The following CASP10 variants were observed in gnomAD, a reference collection of about 807,000 sequenced individuals.
CASP10 encodes caspase-10.
CASP10 carries 41 observed loss-of-function variants against 48.5 expected under a neutral mutation model. That is an observed-to-expected ratio of 0.85 (90% CI 0.66 to 1.10). CASP10 has a LOEUF of 1.10. Ranked by LOEUF, CASP10 falls within the 50% of genes least tolerant of loss-of-function variation. CASP10 has a pLI of 0.00. For synonymous variants in CASP10, 232 were observed against 238.4 expected (o/e 0.97, Z 0.25); for missense variants, 614 against 614.5 (o/e 1.00, Z 0.01).
intron 9 of CASP10, among the ~76,000 whole-genome samples, chr2:201,228,478 G>C (rs990159361): frequency 6.6e-6 from 1 of 152,240 alleles, no homozygotes; most frequent in African/African-American, 2.4e-5. Flanking sequence ...CAGTGAGCCA[G>C]TTTTGGCCTG....
At chr2:201,224,927 A>C (rs2126068181), downstream of CASP10, among the ~76,000 whole-genome samples, 1 of 152,274 alleles carries the variant, frequency 6.6e-6, no homozygotes, top group East Asian at 1.9e-4. Context: ...GTATTTTCCC[A>C]TTATTCACTC....
At position 201,186,091 on chromosome 2, in the gene CASP10, T is replaced by G; in HGVS notation, c.314T>G (p.Leu105Arg). The change falls in exon 2 of 10, where the codon CTG (leucine) becomes CGG (arginine). Residue 105 changes from leucine (L) to arginine (R), a missense_variant. Transcript: ENST00000286186. ...LNCTKEEVER[L>R]LPTRQRVSLF... Reference sequence around the variant, plus strand: ...TGTACCAAAGAGGAAGTGGAGCGACTGCTGCCCACCCGACAAAGGGTTTCT... The same window carrying G: ...TGTACCAAAGAGGAAGTGGAGCGACGGCTGCCCACCCGACAAAGGGTTTCT... The G allele has an allele frequency of 6.2e-7, 1 of 1,612,288 alleles. No individual in the cohort carries two copies. Among genetic ancestry groups the G allele is most frequent in the Non-Finnish European group, 8.5e-7 (1 of 1,180,006 alleles).
intron 1 of CASP10, among the ~76,000 whole-genome samples, chr2:201,184,203 A>C (rs928939940): frequency 1.3e-5 from 2 of 152,108 alleles, no homozygotes; most frequent in African/African-American, 4.8e-5. Flanking sequence ...AGAATACCAT[A>C]GTTTATAGAC....
intron 4 of CASP10, 120 bp from the exon 5 acceptor site, chr2:201,195,722 G>T: frequency 1.3e-6 from 1 of 768,458 alleles, no homozygotes. Flanking sequence ...TCTGTCCCCA[G>T]GCTGCAGTGC....
chr2:201,185,280 A>C (rs571134886), intron 1 of CASP10, among the ~76,000 whole-genome samples: 1 of 152,290 alleles, frequency 6.6e-6, no homozygotes, highest in African/African-American at 2.4e-5. Context: ...GTCTGAAGTT[A>C]AGATGTAACA....
chr2:201,207,524 C>T lies in CASP10; in HGVS notation c.814-551C>T, dbSNP rs188969901. ...CTGTAATCCCAGCACTTTGGGAGGACGAGGTGGGCGGATCACAAGGTCAAG... is the reference window on the plus strand; with the variant it reads ...CTGTAATCCCAGCACTTTGGGAGGATGAGGTGGGCGGATCACAAGGTCAAG... On this transcript the variant is annotated intron_variant, in intron 7 of 9. Transcript: ENST00000286186. 3.6e-3 allele frequency among the ~76,000 whole-genome samples: 553 copies of T among 151,832 alleles called. 4 individuals are homozygous for T. Among genetic ancestry groups the T allele is most frequent in the South Asian group, 0.03 (143 of 4,808 alleles).
At chr2:201,203,875 T>A in intron 6 of CASP10, 109 bp downstream of exon 6, 2 of 883,790 alleles carry the variant, frequency 2.3e-6, no homozygotes, top group Non-Finnish European at 3.8e-6. Flanking sequence ...GCTTTATAAA[T>A]AATGAATAAT....
chr2:201,209,602 T>C, intron 9 of CASP10, 40 bp downstream of exon 9: 1 of 1,559,666 alleles, frequency 6.4e-7, no homozygotes, highest in Non-Finnish European at 8.7e-7. Context: ...AATTAATTAG[T>C]TTTATTTATT....
chr2:201,205,413 T>C lies in CASP10; in HGVS notation c.722-469T>C, dbSNP rs528626007. Among the ~76,000 whole-genome samples, 39 of 151,762 alleles carry C rather than the reference T, an allele frequency of 2.6e-4. 1 individual carries two copies. The highest frequency in any genetic ancestry group is 9.4e-4 in the African/African-American group (39 of 41,398). ...GCTAATTTTTTGTATTTTTTTTTTC[T>C]AGAGATGGGGTCTCACTAAGTTGTC... is the stretch of plus-strand genomic sequence containing the variant. On this transcript the variant is annotated intron_variant, in intron 6 of 9. Coordinates refer to ENST00000286186, the MANE Select transcript of CASP10 (RefSeq NM_032977.4).
downstream of CASP10, among the ~76,000 whole-genome samples, chr2:201,223,761 T>C (rs1458090118): frequency 6.6e-6 from 1 of 152,172 alleles, no homozygotes; most frequent in Non-Finnish European, 1.5e-5. Flanking sequence ...CATTTGTATC[T>C]TTGAATTTTG....
intron 6 of CASP10, 70 bp from the exon 7 acceptor site, chr2:201,205,812 C>G: frequency 1.0e-6 from 1 of 962,486 alleles, no homozygotes; most frequent in Non-Finnish European, 1.7e-6. Context: ...GAATTAGATG[C>G]GAAAATTATC....
chr2:201,228,935 T>C (rs199889956), exon 10 of CASP10: 2 of 1,614,102 alleles, frequency 1.2e-6, no homozygotes, highest in East Asian at 2.2e-5. Flanking sequence ...CTCAGTAGGA[T>C]GCTGAAATTT....
chr2:201,217,969 AG>A lies in CASP10; in HGVS notation c.*234del, dbSNP rs1945626823. On this transcript the variant is annotated 3_prime_UTR_variant, in exon 10 of 10. Transcript: ENST00000286186. ...CATTCTGTCACCCAGACTGGAGTGCAGGGGGGCAATCACGGCTCACTGTAGT... is the reference window on the plus strand; with the variant it reads ...CATTCTGTCACCCAGACTGGAGTGCAGGGGGCAATCACGGCTCACTGTAGT... 3 of 1,202,092 alleles carry A rather than the reference AG, an allele frequency of 2.5e-6. No individual in the cohort carries two copies. The highest frequency in any genetic ancestry group is 3.1e-5 in the Admixed American group (1 of 32,036). The allele number at this position is 1,202,092 out of a possible 1,614,324, so 74.5% of individuals were successfully genotyped here.
chr2:201,225,194 C>T (rs1280190751), downstream of CASP10, among the ~76,000 whole-genome samples: 3 of 152,188 alleles, frequency 2.0e-5, no homozygotes, highest in African/African-American at 7.2e-5. Flanking sequence ...TTCCCGATGT[C>T]AGCACCGCCC....
chr2:201,229,061 G>A (rs775858276), exon 10 of CASP10: 8 of 1,614,054 alleles, frequency 5.0e-6, no homozygotes, highest in East Asian at 2.2e-5. Flanking sequence ...CCCCCCATGC[G>A]CAGGTGGAGC....
At chr2:201,190,291 TAC>T (rs144974555) in intron 3 of CASP10, among the ~76,000 whole-genome samples, 33 of 150,792 alleles carry the variant, frequency 2.2e-4, no homozygotes, top group South Asian at 4.2e-4. Context: ...CACATATGTA[TAC>T]ACACACACAC....
At chr2:201,194,146 G>A in intron 4 of CASP10, among the ~76,000 whole-genome samples, 1 of 151,566 alleles carries the variant, frequency 6.6e-6, no homozygotes, top group Non-Finnish European at 1.5e-5. Flanking sequence ...GATAAAGGTA[G>A]TTCTGCTGTG....
At chr2:201,229,073 G>A (rs772721900) in exon 10 of CASP10, 1 of 1,614,162 alleles carries the variant, frequency 6.2e-7, no homozygotes, top group Non-Finnish European at 8.5e-7. Context: ...AGGTGGAGCA[G>A]CGTTTCCTAG....
intron 5 of CASP10, 110 bp downstream of exon 5, chr2:201,196,058 T>C (rs1046681189): frequency 1.8e-5 from 13 of 738,950 alleles, no homozygotes; most frequent in Admixed American, 4.2e-5. Flanking sequence ...GTTTGTACCA[T>C]TTATTGTAAA....
Sources: allele counts gnomAD v4.1 joint callset (sites outside exome capture counted in the v4.1 genomes callset), GRCh38; gene constraint gnomAD v4.1.1; transcripts MANE v1.5; gene names NCBI Gene and HGNC (gene_info 2026-07-23, HGNC 2026-07-21).